The following MEGF11 variants were observed in gnomAD, a reference collection of about 807,000 sequenced individuals.
MEGF11 encodes multiple epidermal growth factor-like domains protein 11.
Under a neutral mutation model 146.6 loss-of-function variants are expected in MEGF11, and 126 were observed. The ratio of observed to expected loss-of-function variants is 0.86; its 90% CI spans 0.74 to 1.00. The LOEUF (loss-of-function observed/expected upper bound fraction) is 1.00, where lower values mean the gene tolerates loss of function less well. Among genes scored for constraint, MEGF11 ranks in the 50% least tolerant of loss-of-function variants. The pLI, the probability that MEGF11 is intolerant of heterozygous loss-of-function variation, is 0.00. For synonymous variants in MEGF11, 532 were observed against 583.4 expected (o/e 0.91, Z 1.27); for missense variants, 1,509 against 1,521.2 (o/e 0.99, Z 0.13).
chr15:65,992,196 C>T (rs1225533824), intron 5 of MEGF11, among the ~76,000 whole-genome samples: 2 of 152,212 alleles, frequency 1.3e-5, no homozygotes, highest in African/African-American at 4.8e-5. Flanking sequence ...TCCACCACAG[C>T]TCCAGGCAGC....
At chr15:66,177,388 G>A (rs146063897) in intron 1 of MEGF11, among the ~76,000 whole-genome samples, 115 of 152,238 alleles carry the variant, frequency 7.6e-4, no homozygotes, top group African/African-American at 2.7e-3. Flanking sequence ...TGAATTTTTT[G>A]TGTTTAATTT....
intron 4 of MEGF11, among the ~76,000 whole-genome samples, chr15:66,115,444 C>T (rs2087676706): frequency 6.6e-6 from 1 of 152,232 alleles, no homozygotes; most frequent in Non-Finnish European, 1.5e-5. Flanking sequence ...CCATGTGGGG[C>T]CAGTTGGTGC....
chr15:65,964,880 C>T (rs775469818), intron 9 of MEGF11, 28 bp downstream of exon 9: 1 of 1,466,380 alleles, frequency 6.8e-7, no homozygotes, highest in Non-Finnish European at 9.1e-7. Flanking sequence ...CCGCCCTTGT[C>T]CCGGGCTCGC....
intron 5 of MEGF11, among the ~76,000 whole-genome samples, chr15:66,020,243 C>T (rs376912027): frequency 6.6e-6 from 1 of 152,246 alleles, no homozygotes; most frequent in East Asian, 1.9e-4. Flanking sequence ...CCAACAGGAA[C>T]ATTGGGTAAG....
Position 65,980,798 on chromosome 15 carries a change from C to T in MEGF11, c.742G>A (p.Ala248Thr). ...CTTACCGTCCAGCCTGGGGGGCAGG[C>T]ACACTCGCCAGTGATGTGGTGGCAG... ...GTCHHITGEC[A>T]CPPGWTGAVC... Residue 248 changes from alanine (A) to threonine (T), a missense_variant, in exon 7 of 26, where the codon GCC (alanine) becomes ACC (threonine). By Grantham distance (58) the Ala-to-Thr change is moderately conservative (BLOSUM62 0). Transcript: ENST00000395614. 1.2e-6 allele frequency: 2 copies of T among 1,606,434 alleles called. No individual in the cohort carries two copies. The highest frequency in any genetic ancestry group is 1.1e-5 in the South Asian group (1 of 89,264).
At chr15:66,182,987 G>A (rs762838074) in intron 1 of MEGF11, among the ~76,000 whole-genome samples, 9 of 152,186 alleles carry the variant, frequency 5.9e-5, no homozygotes, top group African/African-American at 1.7e-4. Context: ...GCCGCATATC[G>A]GATGTATGCA....
At chr15:66,042,912 G>A (rs569096351) in intron 5 of MEGF11, among the ~76,000 whole-genome samples, 5 of 152,008 alleles carry the variant, frequency 3.3e-5, no homozygotes, top group East Asian at 1.9e-4. Flanking sequence ...AAATAAGGTC[G>A]GTCACATTCA....
At chr15:65,924,408 T>G (rs2079293084) in intron 13 of MEGF11, among the ~76,000 whole-genome samples, 2 of 148,846 alleles carry the variant, frequency 1.3e-5, no homozygotes, top group African/African-American at 2.5e-5. Context: ...CCCCAGGGAA[T>G]GGGATCTGGC....
intron 1 of MEGF11, among the ~76,000 whole-genome samples, chr15:66,166,681 T>C (rs1313893579): frequency 6.6e-6 from 1 of 151,692 alleles, no homozygotes; most frequent in Non-Finnish European, 1.5e-5. Context: ...TCATGGCCTC[T>C]GATGTACTTC....
At chr15:66,181,682 T>G (rs2090553703) in intron 1 of MEGF11, among the ~76,000 whole-genome samples, 1 of 152,194 alleles carries the variant, frequency 6.6e-6, no homozygotes, top group Non-Finnish European at 1.5e-5. Flanking sequence ...TTAGCTGCAG[T>G]CTAGCACAGG....
intron 19 of MEGF11, 56 bp from the exon 20 acceptor site, chr15:65,914,029 C>T: frequency 7.1e-7 from 1 of 1,414,578 alleles, no homozygotes; most frequent in Non-Finnish European, 9.9e-7. Context: ...CTTCAGGTCT[C>T]CTGGGCCTGG....
intron 5 of MEGF11, among the ~76,000 whole-genome samples, chr15:66,000,613 C>G (rs2082338014): frequency 6.6e-6 from 1 of 151,838 alleles, no homozygotes; most frequent in Admixed American, 6.6e-5. Flanking sequence ...CCTGACATAA[C>G]ATGCTGTCTG....
intron 1 of MEGF11, among the ~76,000 whole-genome samples, chr15:66,227,836 T>C (rs1391086918): frequency 6.6e-6 from 1 of 152,214 alleles, no homozygotes; most frequent in Non-Finnish European, 1.5e-5. Flanking sequence ...AGACAGTAGA[T>C]TCTTTTATGC....
intron 5 of MEGF11, among the ~76,000 whole-genome samples, chr15:65,987,302 TG>T (rs1242847898): frequency 1.3e-5 from 2 of 152,034 alleles, no homozygotes; most frequent in African/African-American, 4.8e-5. Flanking sequence ...GCAGCCAGCC[TG>T]GGCTTAAACA....
chr15:65,940,474 A>G (rs1000238264), intron 10 of MEGF11, among the ~76,000 whole-genome samples: 1 of 152,238 alleles, frequency 6.6e-6, no homozygotes, highest in African/African-American at 2.4e-5. Context: ...CCTAGGGAGA[A>G]AGAGTGACAC....
chr15:66,027,235 C>A (rs2083364026), intron 5 of MEGF11, among the ~76,000 whole-genome samples: 1 of 152,232 alleles, frequency 6.6e-6, no homozygotes, highest in Non-Finnish European at 1.5e-5. Flanking sequence ...TCAGAAGACA[C>A]AGGTTCAAAT....
At chr15:66,218,300 C>T (rs2091638369) in intron 1 of MEGF11, among the ~76,000 whole-genome samples, 1 of 152,176 alleles carries the variant, frequency 6.6e-6, no homozygotes, top group African/African-American at 2.4e-5. Flanking sequence ...AGCTAAAAGC[C>T]TGTTCCCAGG....
intron 8 of MEGF11, chr15:65,966,943 G>T (rs2081121995): frequency 6.6e-6 from 1 of 151,916 alleles, no homozygotes; most frequent in African/African-American, 2.4e-5. Flanking sequence ...AAACCTGGAG[G>T]AATAGGGGTA....
intron 10 of MEGF11, among the ~76,000 whole-genome samples, chr15:65,949,069 A>G (rs2080299069): frequency 1.1e-5 from 1 of 89,846 alleles, no homozygotes; most frequent in Admixed American, 1.3e-4. Flanking sequence ...ATGAAGAATG[A>G]AACAATTAGA....
Sources: gnomAD v4.1 joint callset for allele counts (sites outside exome capture counted in the v4.1 genomes callset) on GRCh38, gnomAD v4.1.1 for gene constraint, MANE v1.5 for transcripts, NCBI Gene and HGNC (gene_info 2026-07-23, HGNC 2026-07-21) for gene names.